Variants in PRDM16 observed in about 807,000 individuals in gnomAD.
The protein encoded by PRDM16 is histone-lysine N-methyltransferase PRDM16.
PRDM16 carries 23 observed loss-of-function variants against 110.6 expected under a neutral mutation model. That is an observed-to-expected ratio of 0.21 (90% CI 0.15 to 0.29). The LOEUF (loss-of-function observed/expected upper bound fraction) is 0.29, where lower values mean the gene tolerates loss of function less well. Ranked by LOEUF, PRDM16 falls within the 10% of genes least tolerant of loss-of-function variation. PRDM16 has a pLI of 1.00. For missense variants in PRDM16, 1,615 were observed against 1,794.3 expected (o/e 0.90, Z 1.81); for synonymous variants, 799 against 781.8 (o/e 1.02, Z -0.37).
Position 3,207,155 on chromosome 1 carries a change from C to T in PRDM16, c.387+20681C>T, listed in dbSNP as rs899926352. On this transcript the variant is annotated intron_variant, in intron 2 of 16. Transcript: ENST00000270722. ...CCGCCAGCCCCGCCCTTTGCCATCT[C>T]TGAAAGCGCTACCCAGAAAACCTCC... The T allele has an allele frequency of 2.0e-5, 3 of 152,374 alleles. No individual in the cohort carries two copies. In the South Asian group the frequency reaches 6.2e-4, roughly 32 times the overall value. The allele number at this position is 152,374 out of a possible 1,614,324, so 9.4% of individuals were successfully genotyped here.
At chr1:3,170,248 T>C (rs1220191262) in intron 1 of PRDM16, among the ~76,000 whole-genome samples, 2 of 151,946 alleles carry the variant, frequency 1.3e-5, no homozygotes, top group Non-Finnish European at 2.9e-5. Flanking sequence ...CCCCCAGGAG[T>C]GCCTGCAGGC....
intron 3 of PRDM16, among the ~76,000 whole-genome samples, chr1:3,267,983 C>T (rs1007719945): frequency 1.3e-5 from 2 of 152,228 alleles, no homozygotes; most frequent in African/African-American, 2.4e-5. Context: ...ATCTGCCTGC[C>T]GTTCGCAAGC....
chr1:3,212,617 G>GCGGT (rs1557532575), intron 2 of PRDM16, among the ~76,000 whole-genome samples: 1 of 145,862 alleles, frequency 6.9e-6, no homozygotes, highest in African/African-American at 2.6e-5. Flanking sequence ...CCCCCTCGCT[G>GCGGT]AGGTCCTCCC....
intron 3 of PRDM16, among the ~76,000 whole-genome samples, chr1:3,259,376 C>T (rs1337983469): frequency 6.6e-6 from 1 of 152,212 alleles, no homozygotes; most frequent in African/African-American, 2.4e-5. Flanking sequence ...CAAAGTCAGG[C>T]CATATTGGGC....
chr1:3,135,266 G>A (rs1408177364), intron 1 of PRDM16, among the ~76,000 whole-genome samples: 1 of 152,212 alleles, frequency 6.6e-6, no homozygotes, highest in Non-Finnish European at 1.5e-5. Flanking sequence ...TGGCCCCATG[G>A]GCAGGGTAGG....
rs1269009713 is a variant in PRDM16, at chr1:3,143,553, C to T, written c.38-42572C>T. Reference sequence around the variant, plus strand: ...AGTGCACTGGCGCAATCTCCGCTCACTGCAGTCTCTGCCTCCCGGGTTCAA... The same window carrying T: ...AGTGCACTGGCGCAATCTCCGCTCATTGCAGTCTCTGCCTCCCGGGTTCAA... On this transcript the variant is annotated intron_variant, in intron 1 of 16. Transcript: ENST00000270722. This position sits in a 1 kb window ranked among gnomAD's most constrained non-coding sequence, Gnocchi z 4.5. Among the ~76,000 whole-genome samples the T allele has an allele frequency of 6.6e-6, 1 of 152,214 alleles. No homozygotes were observed. The highest frequency in any genetic ancestry group is 1.5e-5 in the Non-Finnish European group (1 of 68,048).
At chr1:3,321,753 A>G (rs1474330383) in intron 3 of PRDM16, among the ~76,000 whole-genome samples, 4 of 146,652 alleles carry the variant, frequency 2.7e-5, no homozygotes, top group Admixed American at 2.0e-4. Flanking sequence ...GGTGTGCACA[A>G]TGTGTGTTTG....
chr1:3,321,335 T>C (rs1452476511), intron 3 of PRDM16, among the ~76,000 whole-genome samples: 1 of 152,122 alleles, frequency 6.6e-6, no homozygotes, highest in Non-Finnish European at 1.5e-5. Context: ...CGTGTGTGTG[T>C]GTACATTTGT....
intron 3 of PRDM16, among the ~76,000 whole-genome samples, chr1:3,298,508 C>A (rs952540456): frequency 1.9e-4 from 29 of 152,352 alleles, no homozygotes; most frequent in Admixed American, 1.1e-3. Context: ...AATCCCCACC[C>A]CCCGGCCCGG....
intron 3 of PRDM16, among the ~76,000 whole-genome samples, chr1:3,317,731 T>C (rs539004962): frequency 6.6e-6 from 1 of 152,286 alleles, no homozygotes; most frequent in East Asian, 1.9e-4. Context: ...CCCATGAGTG[T>C]CCCCTCCTCC....
At position 3,434,585 on chromosome 1, in the gene PRDM16, C is replaced by G. The variant is rs976595836; in HGVS notation, c.*774C>G. ...CCGAAGAAGTCTTAGGCAGGGCGCCCTGGGCTGCAGGCCTGCCCGAGGCTG... is the reference window on the plus strand; with the variant it reads ...CCGAAGAAGTCTTAGGCAGGGCGCCGTGGGCTGCAGGCCTGCCCGAGGCTG... On this transcript the variant is annotated 3_prime_UTR_variant, in exon 17 of 17. Transcript: ENST00000270722. 4.3e-6 allele frequency: 1 copy of G among 232,118 alleles called. No homozygotes were observed. Among genetic ancestry groups the G allele is most frequent in the Non-Finnish European group, 8.5e-6 (1 of 117,402 alleles). The allele number at this position is 232,118 out of a possible 1,614,324, so 14.4% of individuals were successfully genotyped here. A position where few individuals can be genotyped will look rare whatever the true frequency, so the allele number is the denominator to read the frequency against.
At chr1:3,197,315 G>A (rs1235132919) in intron 2 of PRDM16, among the ~76,000 whole-genome samples, 2 of 152,172 alleles carry the variant, frequency 1.3e-5, no homozygotes, top group African/African-American at 4.8e-5. Context: ...TGTCAGCTGT[G>A]AGCAGGGCAG....
intron 3 of PRDM16, among the ~76,000 whole-genome samples, chr1:3,287,919 G>T (rs1640894184): frequency 6.6e-6 from 1 of 152,252 alleles, no homozygotes; most frequent in Non-Finnish European, 1.5e-5. Flanking sequence ...CACACCCTCA[G>T]GTTTCTCACC....
chr1:3,283,035 G>A lies in PRDM16; in HGVS notation c.438+38898G>A, dbSNP rs184223247. Among the ~76,000 whole-genome samples the A allele has an allele frequency of 2.8e-3, 419 of 152,324 alleles. 1 individual carries two copies. Among genetic ancestry groups the A allele is most frequent in the Middle Eastern group, 6.8e-3 (2 of 294 alleles). On this transcript the variant is annotated intron_variant, in intron 3 of 16. Transcript: ENST00000270722. ...GCAGAAGGCTCCCTGTGAGACAGGC[G>A]AGGCTGTGAGGCCGGGTGGGAGGCA...
rs180917948 is a variant in PRDM16 at position 3,157,679 on chromosome 1, C to T, written c.38-28446C>T. On this transcript the variant is annotated intron_variant, in intron 1 of 16. Transcript: ENST00000270722. The surrounding 1 kb of genome is among the most constrained non-coding windows in gnomAD (Gnocchi z 4.8). Reference sequence around the variant, plus strand: ...GACTTCCCCAGAAAGTTCCCAGATTCGCACCTGCTGGACTGGGAGGCGTCT... The same window carrying T: ...GACTTCCCCAGAAAGTTCCCAGATTTGCACCTGCTGGACTGGGAGGCGTCT... 5.9e-5 allele frequency among the ~76,000 whole-genome samples: 9 copies of T among 152,260 alleles called. No individual in the cohort carries two copies. Among genetic ancestry groups the T allele is most frequent in the South Asian group, 2.1e-4 (1 of 4,816 alleles).
chr1:3,328,948 C>G (rs1570084065), intron 3 of PRDM16, among the ~76,000 whole-genome samples: 1 of 152,286 alleles, frequency 6.6e-6, no homozygotes, highest in East Asian at 1.9e-4. Flanking sequence ...GGGAGGGCAC[C>G]AATGCTGGCG....
In PRDM16 at chr1:3,313,840, C is replaced by T. The variant is rs368860829; in HGVS notation, c.438+69703C>T. The stretch of plus-strand genomic sequence containing the variant: ...TCCAGCAGGAAGCCTTGTAGTGCAG[C>T]GAATCTGGACCCGGCCCAGCGTCCA... On this transcript the variant is annotated intron_variant, in intron 3 of 16. Transcript: ENST00000270722. 1.2e-4 allele frequency among the ~76,000 whole-genome samples: 18 copies of T among 152,350 alleles called. No homozygotes were observed. The South Asian group carries it at 3.1e-3, about 26-fold the overall frequency.
intron 1 of PRDM16, among the ~76,000 whole-genome samples, chr1:3,121,453 AAC>A (rs1340549034): frequency 2.0e-5 from 3 of 152,248 alleles, no homozygotes; most frequent in African/African-American, 7.2e-5. Flanking sequence ...ATGAAAACAA[AAC>A]ACAGTGAGGA....
intron 1 of PRDM16, among the ~76,000 whole-genome samples, chr1:3,155,233 C>T (rs879663224): frequency 4.6e-5 from 7 of 152,250 alleles, no homozygotes; most frequent in Non-Finnish European, 7.3e-5. Context: ...GCTCAAACAC[C>T]GGCCAAGGCA....
Sources: allele counts gnomAD v4.1 joint callset (sites outside exome capture counted in the v4.1 genomes callset), GRCh38; gene constraint gnomAD v4.1.1; non-coding constraint Gnocchi (gnomAD v3.1); transcripts MANE v1.5; gene names NCBI Gene and HGNC (gene_info 2026-07-23, HGNC 2026-07-21).